Variants in CWH43 observed in about 807,000 individuals in gnomAD.
CWH43 encodes cell wall biogenesis 43 C-terminal homolog, also known as PGAP2-interacting protein.
Under a neutral mutation model 85.7 loss-of-function variants are expected in CWH43, and 91 were observed. The observed-to-expected ratio is 1.06, with a 90% CI of 0.90 to 1.26. CWH43 has a LOEUF of 1.26. Among genes scored for constraint, CWH43 ranks in the 50% most tolerant of loss-of-function variants. CWH43 has a pLI of 0.00. For missense variants in CWH43, 869 were observed against 839.2 expected (o/e 1.04, Z -0.44); for synonymous variants, 323 against 293.6 (o/e 1.10, Z -1.02).
chr4:48,994,630 A>C lies in CWH43; in HGVS notation c.523A>C (p.Ser175Arg), dbSNP rs1782753966. ...TTTTTAAATTCTAGATGGTGACTGC[A>C]GTAAACCTGAAGAAAAGAAGACTGG... ...LDRIGTDGDC[S>R]KPEEKKTGEV... is the part of the protein sequence containing the mutation. The change falls in exon 5 of 16, where the codon AGT becomes CGT. Residue 175 changes from serine to arginine, a missense_variant. By Grantham distance (110) the Ser-to-Arg change is moderately radical. This residue lies in a region of CWH43 where 152 missense variants were observed against 203.6 expected (regional missense o/e 0.75). Coordinates refer to ENST00000226432, the MANE Select transcript of CWH43 (RefSeq NM_025087.3). The C allele has an allele frequency of 6.2e-7, 1 of 1,612,656 alleles. No homozygotes were observed. The highest frequency in any genetic ancestry group is 8.5e-7 in the Non-Finnish European group (1 of 1,179,642).
chr4:48,993,441 G>A (rs551899135), intron 4 of CWH43, among the ~76,000 whole-genome samples: 36 of 152,168 alleles, frequency 2.4e-4, no homozygotes, highest in African/African-American at 8.7e-4. Flanking sequence ...TCCTGTTAAT[G>A]TCAGAGAAGC....
chr4:49,028,256 T>G (rs1246593862), intron 9 of CWH43, among the ~76,000 whole-genome samples: 1 of 152,210 alleles, frequency 6.6e-6, no homozygotes, highest in Non-Finnish European at 1.5e-5. Context: ...TGTGGACCTA[T>G]GTAGCCCTAA....
chr4:49,017,190 C>A (rs1783576365), intron 8 of CWH43, 59 bp from the exon 9 acceptor site: 2 of 1,453,180 alleles, frequency 1.4e-6, no homozygotes, highest in Non-Finnish European at 1.9e-6. Flanking sequence ...TCAGTGTCAG[C>A]AAATTTATTT....
At chr4:49,035,675 T>C (rs1265155078) in intron 12 of CWH43, among the ~76,000 whole-genome samples, 1 of 152,192 alleles carries the variant, frequency 6.6e-6, no homozygotes, top group African/African-American at 2.4e-5. Flanking sequence ...ATATGTGAGC[T>C]CTCTCTCTTT....
chr4:48,997,231 T>A (rs1437198064), intron 5 of CWH43, among the ~76,000 whole-genome samples: 3 of 151,784 alleles, frequency 2.0e-5, no homozygotes, highest in Admixed American at 6.6e-5. Context: ...AAAACTTTTT[T>A]TTTTTTTTGT....
intron 13 of CWH43, among the ~76,000 whole-genome samples, chr4:49,043,938 C>T (rs2109829243): frequency 1.3e-5 from 2 of 151,924 alleles, no homozygotes; most frequent in African/African-American, 4.8e-5. Flanking sequence ...CATGTGTCTA[C>T]CACTAAGCTT....
chr4:49,044,961 A>G, intron 14 of CWH43, 114 bp downstream of exon 14: 1 of 743,026 alleles, frequency 1.3e-6, no homozygotes, highest in Non-Finnish European at 2.3e-6. Context: ...GCTTTTTATA[A>G]AAAGCAATCA....
At chr4:49,019,921 A>G (rs1783686013) in intron 9 of CWH43, among the ~76,000 whole-genome samples, 1 of 152,052 alleles carries the variant, frequency 6.6e-6, no homozygotes, top group African/African-American at 2.4e-5. Flanking sequence ...GGTTATGTGG[A>G]TAAGTTCTTT....
intron 9 of CWH43, among the ~76,000 whole-genome samples, chr4:49,018,580 G>A (rs554832402): frequency 3.9e-5 from 6 of 152,224 alleles, no homozygotes; most frequent in Non-Finnish European, 8.8e-5. Context: ...AGTTTTAAAT[G>A]TTTTAATATC....
chr4:48,988,259 T>C (rs1440589036), intron 1 of CWH43, among the ~76,000 whole-genome samples: 2 of 152,186 alleles, frequency 1.3e-5, no homozygotes, highest in Admixed American at 6.5e-5. Flanking sequence ...ATCAGTCTCT[T>C]AAGCACAACA....
rs1288202326 is a variant in CWH43, at chr4:48,998,547, A to C, written c.801A>C (p.Thr267=). 3 of 1,611,618 alleles carry C rather than the reference A, an allele frequency of 1.9e-6. No individual in the cohort carries two copies. Among genetic ancestry groups the C allele is most frequent in the Non-Finnish European group, 1.7e-6 (2 of 1,177,854 alleles). The change falls in exon 6 of 16, where the codon ACA becomes ACC. Residue 267 remains threonine, a splice_region_variant and synonymous_variant. Transcript: ENST00000226432. ...GTACTGGTTTGATCTGGTGGGTTAC[A>C]GGTATGTGGAATTTACCTGCAGATA... The part of the protein sequence containing the change: ...FRGTGLIWWV[T]GTASAAGLLY...
chr4:48,998,867 A>G (rs1200127311), intron 6 of CWH43, among the ~76,000 whole-genome samples: 3 of 152,134 alleles, frequency 2.0e-5, no homozygotes, highest in Non-Finnish European at 2.9e-5. Flanking sequence ...GATTTATAAA[A>G]ATTCTTGATT....
chr4:49,026,211 A>G (rs1577684887), intron 9 of CWH43, among the ~76,000 whole-genome samples: 2 of 152,292 alleles, frequency 1.3e-5, no homozygotes, highest in South Asian at 4.1e-4. Context: ...CCGTGCCCCC[A>G]CAACAGCACT....
chr4:49,015,197 C>A (rs1480147156), intron 8 of CWH43, among the ~76,000 whole-genome samples: 1 of 150,748 alleles, frequency 6.6e-6, no homozygotes, highest in Admixed American at 6.6e-5. Context: ...TTTTCTTTTT[C>A]ATTTTCCACT....
intron 8 of CWH43, among the ~76,000 whole-genome samples, chr4:49,011,705 T>C (rs1270336395): frequency 6.6e-6 from 1 of 152,156 alleles, no homozygotes; most frequent in Non-Finnish European, 1.5e-5. Context: ...AGCATTTGCT[T>C]GTCTGTAAAG....
intron 8 of CWH43, among the ~76,000 whole-genome samples, chr4:49,011,229 A>G (rs1783347835): frequency 6.6e-6 from 1 of 152,148 alleles, no homozygotes; most frequent in South Asian, 2.1e-4. Flanking sequence ...ACTATTATGT[A>G]ATGGCCTTCT....
At chr4:48,994,879 C>T in intron 5 of CWH43, 59 bp downstream of exon 5, 1 of 1,354,954 alleles carries the variant, frequency 7.4e-7, no homozygotes, top group Admixed American at 1.7e-5. Context: ...GGAAGCAATG[C>T]CTCCTTTGTC....
intron 15 of CWH43, among the ~76,000 whole-genome samples, chr4:49,058,901 G>C (rs1229719685): frequency 6.6e-6 from 1 of 151,942 alleles, no homozygotes; most frequent in Non-Finnish European, 1.5e-5. Context: ...TTTTCTTTTT[G>C]TCTTTGATTT....
Position 49,028,738 on chromosome 4 carries a change from A to C in CWH43, c.1372+4A>C. 1 of 1,573,096 alleles carries C rather than the reference A, an allele frequency of 6.4e-7. No individual in the cohort carries two copies. The highest frequency in any genetic ancestry group is 8.7e-7 in the Non-Finnish European group (1 of 1,144,692). On this transcript the variant is annotated splice_donor_region_variant and intron_variant, in intron 10 of 15. Transcript: ENST00000226432. ...GCTCACCTGCTCAATGAAACAGGTA[A>C]GTCTTCCTGGAATTAGTTCCAGGTT...
Sources: allele counts gnomAD v4.1 joint callset (sites outside exome capture counted in the v4.1 genomes callset), GRCh38; gene constraint gnomAD v4.1.1; regional missense constraint gnomAD v4.1.1; transcripts MANE v1.5; gene names NCBI Gene and HGNC (gene_info 2026-07-23, HGNC 2026-07-21).